ITGA8: variants seen among roughly 807,000 people sequenced by gnomAD.
The protein encoded by ITGA8 is integrin alpha-8.
Under a neutral mutation model 142.3 loss-of-function variants are expected in ITGA8, and 91 were observed. The observed-to-expected ratio is 0.64, with a 90% CI of 0.54 to 0.76. The LOEUF is 0.76. Among genes scored for constraint, ITGA8 ranks in the 30% least tolerant of loss-of-function variants. The pLI is 0.00. For missense variants in ITGA8, 1,406 were observed against 1,327.7 expected (o/e 1.06, Z -0.92); for synonymous variants, 505 against 485.2 (o/e 1.04, Z -0.54).
At chr10:15,610,686 C>A (rs1007162163) in intron 15 of ITGA8, among the ~76,000 whole-genome samples, 1 of 152,090 alleles carries the variant, frequency 6.6e-6, no homozygotes, top group Non-Finnish European at 1.5e-5. Context: ...TCACAGCTGT[C>A]TATGATGAAG....
Position 15,644,630 on chromosome 10 carries a change from T to C in ITGA8, c.1208-409A>G, listed in dbSNP as rs1588695059. 3.3e-5 allele frequency among the ~76,000 whole-genome samples: 5 copies of C among 150,284 alleles called. No individual in the cohort carries two copies. In the East Asian group the frequency reaches 7.9e-4, roughly 24 times the overall value. On this transcript the variant is annotated intron_variant, in intron 12 of 29. Transcript: ENST00000378076. The stretch of plus-strand genomic sequence containing the variant: ...AGGCATGAGCCACTGTGCTTGGCCA[T>C]AGAGACGTTTCTTTTTTAAGTACAG...
chr10:15,711,543 C>T lies in ITGA8; in HGVS notation c.343+7223G>A, dbSNP rs888241757. On this transcript the variant is annotated intron_variant, in intron 2 of 29. Coordinates refer to ENST00000378076, the MANE Select transcript of ITGA8 (RefSeq NM_003638.3). ...CATATTAATATAGATTATTTATTTA[C>T]GTATTTATAAAATCCACTTTTGGTG... Among the ~76,000 whole-genome samples the T allele has an allele frequency of 6.6e-5, 10 of 151,900 alleles. 1 individual carries two copies. Among genetic ancestry groups the T allele is most frequent in the South Asian group, 2.1e-4 (1 of 4,796 alleles).
intron 21 of ITGA8, among the ~76,000 whole-genome samples, chr10:15,595,423 A>G (rs1201982302): frequency 6.6e-6 from 1 of 152,264 alleles, no homozygotes; most frequent in Non-Finnish European, 1.5e-5. Flanking sequence ...AGGGCACTAA[A>G]GAATGAGATA....
intron 11 of ITGA8, among the ~76,000 whole-genome samples, chr10:15,647,951 A>G (rs1276466264): frequency 6.6e-6 from 1 of 152,214 alleles, no homozygotes; most frequent in African/African-American, 2.4e-5. Flanking sequence ...AAAAACTAAT[A>G]TGTAATTTTT....
chr10:15,696,580 A>G (rs1835056259), intron 2 of ITGA8, among the ~76,000 whole-genome samples: 1 of 152,196 alleles, frequency 6.6e-6, no homozygotes, highest in Non-Finnish European at 1.5e-5. Flanking sequence ...CCAAATTAAT[A>G]ACATTTGCTC....
At chr10:15,536,956 C>T (rs7911543) in intron 27 of ITGA8, among the ~76,000 whole-genome samples, 1 of 152,046 alleles carries the variant, frequency 6.6e-6, no homozygotes, top group South Asian at 2.1e-4. Context: ...TTATGTAGCC[C>T]GTTTTGAAAT....
At chr10:15,536,903 G>T (rs1833450517) in intron 27 of ITGA8, among the ~76,000 whole-genome samples, 1 of 152,178 alleles carries the variant, frequency 6.6e-6, no homozygotes, top group Admixed American at 6.5e-5. Flanking sequence ...ACTTCCAGCT[G>T]CTTAATTCCT....
chr10:15,633,873 T>C (rs2131636607), intron 13 of ITGA8, among the ~76,000 whole-genome samples: 1 of 152,356 alleles, frequency 6.6e-6, no homozygotes, highest in Middle Eastern at 3.4e-3. Context: ...TAGGAAATTA[T>C]CTGGGTCAGA....
intron 20 of ITGA8, among the ~76,000 whole-genome samples, chr10:15,602,207 A>T (rs1434509979): frequency 6.6e-6 from 1 of 152,234 alleles, no homozygotes; most frequent in South Asian, 2.1e-4. Flanking sequence ...ATTAAAAACA[A>T]AACATACTCA....
chr10:15,539,028 A>G (rs902038766), intron 27 of ITGA8, among the ~76,000 whole-genome samples: 8 of 150,794 alleles, frequency 5.3e-5, no homozygotes, highest in African/African-American at 1.7e-4. Context: ...TATAAACTAT[A>G]CAAAGATCTA....
intron 13 of ITGA8, among the ~76,000 whole-genome samples, chr10:15,622,818 T>G (rs1203263265): frequency 6.6e-6 from 1 of 152,204 alleles, no homozygotes; most frequent in Non-Finnish European, 1.5e-5. Flanking sequence ...AAACAGCCAT[T>G]TCACATAAAA....
At chr10:15,644,682 T>C (rs1361675517) in intron 12 of ITGA8, among the ~76,000 whole-genome samples, 2 of 150,698 alleles carry the variant, frequency 1.3e-5, no homozygotes, top group South Asian at 2.1e-4. Context: ...TAGTTTAGTA[T>C]ACTCAAAAAG....
rs546243391 is a variant in ITGA8 at position 15,683,142 on chromosome 10, A to G, written c.568+862T>C. ...TTCTTTCTACTACATTTTCCCTCCA[A>G]TATGGTCTTGTGAATTATCAACAAG... On this transcript the variant is annotated intron_variant, in intron 4 of 29. Coordinates refer to ENST00000378076, the MANE Select transcript of ITGA8 (RefSeq NM_003638.3). Among the ~76,000 whole-genome samples the G allele has an allele frequency of 1.7e-3, 262 of 152,258 alleles. 1 individual carries two copies. Among genetic ancestry groups the G allele is most frequent in the African/African-American group, 6.1e-3 (253 of 41,548 alleles).
chr10:15,618,705 A>G (rs947479429), intron 13 of ITGA8, among the ~76,000 whole-genome samples: 1 of 152,022 alleles, frequency 6.6e-6, no homozygotes, highest in Non-Finnish European at 1.5e-5. Flanking sequence ...AGTCTTTTGG[A>G]CTCCATCTTT....
Position 15,688,080 on chromosome 10 carries a change from G to A in ITGA8, c.344-42C>T, listed in dbSNP as rs757544432. On this transcript the variant is annotated intron_variant, in intron 2 of 29. Transcript: ENST00000378076. ...GAAGAGTTAATAATTTGTAAAATGTGGCAGCCAATTAAAACACATAATAAA... is the reference window on the plus strand; with the variant it reads ...GAAGAGTTAATAATTTGTAAAATGTAGCAGCCAATTAAAACACATAATAAA... The A allele has an allele frequency of 2.3e-6, 3 of 1,295,634 alleles. No individual in the cohort carries two copies. The South Asian group carries it at 3.6e-5, about 15-fold the overall frequency. The allele number at this position is 1,295,634 out of a possible 1,614,324, so 80.3% of individuals were successfully genotyped here.
At position 15,517,042 on chromosome 10, in the gene ITGA8, C is replaced by CATTAAA; in HGVS notation, c.*115_*116insTTTAAT. On this transcript the variant is annotated 3_prime_UTR_variant, in exon 30 of 30. Transcript: ENST00000378076. ...TGAGGTGATGTTTCCAGGGTCCCCT[C>CATTAAA]CATTTCCTGGGTCACTGTCAGGTAT... 9 of 564,212 alleles carry CATTAAA rather than the reference C, an allele frequency of 1.6e-5. No homozygotes were observed. The highest frequency in any genetic ancestry group is 6.5e-5 in the South Asian group (2 of 30,550). 35.0% of individuals were successfully genotyped at this position (564,212 alleles called of 1,614,324 possible). A position where few individuals can be genotyped will look rare whatever the true frequency, so the allele number is the denominator to read the frequency against.
intron 28 of ITGA8, among the ~76,000 whole-genome samples, 172 bp downstream of exon 28, chr10:15,530,878 C>T (rs1833276244): frequency 6.6e-6 from 1 of 152,072 alleles, no homozygotes; most frequent in Non-Finnish European, 1.5e-5. Context: ...GTTCAAAAAC[C>T]AGATCAAAAG....
chr10:15,690,898 A>C (rs1364414281), intron 2 of ITGA8, among the ~76,000 whole-genome samples: 1 of 152,138 alleles, frequency 6.6e-6, no homozygotes, highest in East Asian at 1.9e-4. Context: ...GAAACAACCA[A>C]CAAAGTGAAG....
intron 2 of ITGA8, among the ~76,000 whole-genome samples, chr10:15,688,302 C>CAAAAAAAAAAA (rs35060475): frequency 1.8e-5 from 2 of 112,744 alleles, no homozygotes; most frequent in Admixed American, 1.0e-4. Flanking sequence ...CAAAAAATAC[C>CAAAAAAAAAAA]AAAAAAAAAA....
Sources: allele counts gnomAD v4.1 joint callset (sites outside exome capture counted in the v4.1 genomes callset), GRCh38; gene constraint gnomAD v4.1.1; transcripts MANE v1.5; gene names NCBI Gene and HGNC (gene_info 2026-07-23, HGNC 2026-07-21).